TBC1D8: variants seen among roughly 807,000 people sequenced by gnomAD.
The protein encoded by TBC1D8 is BUB2-like protein 1.
In TBC1D8, 65 loss-of-function variants were observed where a neutral mutation model predicts 118.8. That is an observed-to-expected ratio of 0.55 (90% CI 0.45 to 0.67). The LOEUF (loss-of-function observed/expected upper bound fraction) is 0.67, where lower values mean the gene tolerates loss of function less well. TBC1D8 is among the 30% of genes least tolerant of loss of function. The pLI, the probability that TBC1D8 is intolerant of heterozygous loss-of-function variation, is 0.00. For missense variants in TBC1D8, 1,376 were observed against 1,471.2 expected, an observed-to-expected ratio of 0.94 and a Z score of 1.06; for synonymous variants, 566 against 595.8, an observed-to-expected ratio of 0.95 and a Z score of 0.73.
intron 15 of TBC1D8, chr2:101,024,086 A>T (rs1383241570): frequency 6.6e-6 from 1 of 152,264 alleles, no homozygotes; most frequent in Non-Finnish European, 1.5e-5. Flanking sequence ...TCACATCAAC[A>T]TCCCATAAAA....
chr2:101,013,261 T>C (rs1679365944), intron 17 of TBC1D8, among the ~76,000 whole-genome samples: 1 of 152,194 alleles, frequency 6.6e-6, no homozygotes. Flanking sequence ...CTGAAAATAC[T>C]CATTCCACGA....
intron 19 of TBC1D8, among the ~76,000 whole-genome samples, chr2:101,010,155 TTG>T (rs1679097187): frequency 6.6e-6 from 1 of 152,118 alleles, no homozygotes; most frequent in Non-Finnish European, 1.5e-5. Context: ...TTCCTAAACA[TTG>T]GGAGGAACCA....
chr2:101,050,730 T>C, intron 4 of TBC1D8, 89 bp from the exon 5 acceptor site: 1 of 1,509,302 alleles, frequency 6.6e-7, no homozygotes, highest in African/African-American at 1.4e-5. Flanking sequence ...AAAGCTCTCC[T>C]TAGGCCGATG....
intron 6 of TBC1D8, 93 bp from the exon 7 acceptor site, chr2:101,038,748 G>T: frequency 1.5e-6 from 2 of 1,363,004 alleles, no homozygotes; most frequent in Non-Finnish European, 1.0e-6. Context: ...AGAGGGCAAG[G>T]CACAATCACT....
chr2:101,027,649 T>G (rs1680415074), intron 14 of TBC1D8, among the ~76,000 whole-genome samples, 198 bp from the exon 15 acceptor site: 1 of 152,164 alleles, frequency 6.6e-6, no homozygotes, highest in African/African-American at 2.4e-5. Flanking sequence ...TCTTTCCAGT[T>G]CACACATCAG....
intron 17 of TBC1D8, among the ~76,000 whole-genome samples, chr2:101,017,475 A>G (rs1341203856): frequency 2.6e-5 from 4 of 152,242 alleles, no homozygotes; most frequent in African/African-American, 9.6e-5. Flanking sequence ...TATGGTGTTT[A>G]CAATGGCTAA....
intron 1 of TBC1D8, among the ~76,000 whole-genome samples, chr2:101,099,037 A>T (rs1676654852): frequency 6.7e-6 from 1 of 149,240 alleles, no homozygotes; most frequent in Non-Finnish European, 1.5e-5. Context: ...GGAGATAGAG[A>T]CACGAAAAAC....
intron 1 of TBC1D8, among the ~76,000 whole-genome samples, chr2:101,148,815 T>G (rs1386769970): frequency 1.3e-5 from 2 of 152,170 alleles, no homozygotes; most frequent in African/African-American, 4.8e-5. Context: ...ACTGTAGCCC[T>G]CATTCTTTTC....
intron 2 of TBC1D8, among the ~76,000 whole-genome samples, chr2:101,084,768 G>A (rs566722454): frequency 5.5e-4 from 84 of 152,132 alleles, no homozygotes; most frequent in African/African-American, 1.9e-3. Flanking sequence ...TCTGGTACGT[G>A]GCAGGCAACA....
chr2:101,151,296 C>T lies in TBC1D8; in HGVS notation c.-43G>A, dbSNP rs771457824. 96 of 1,111,316 alleles carry T rather than the reference C, an allele frequency of 8.6e-5. No homozygotes were observed. The African/African-American group carries it at 1.6e-3, about 18-fold the overall frequency. The allele number at this position is 1,111,316 out of a possible 1,614,324, so 68.8% of individuals were successfully genotyped here. On this transcript the variant is annotated 5_prime_UTR_variant, in exon 1 of 20. Transcript: ENST00000409318. ...GCCCGCCGGCCCCAGCTCACATCTCCCCGGCCGCCGGTCGCTGTGAGCCGA... is the reference window on the plus strand; with the variant it reads ...GCCCGCCGGCCCCAGCTCACATCTCTCCGGCCGCCGGTCGCTGTGAGCCGA...
chr2:101,141,485 G>A (rs924820218), intron 1 of TBC1D8, among the ~76,000 whole-genome samples: 3 of 152,140 alleles, frequency 2.0e-5, no homozygotes, highest in Admixed American at 6.5e-5. Flanking sequence ...TAGACTGAAC[G>A]CTGGGTTGGG....
chr2:101,104,546 G>A lies in TBC1D8; in HGVS notation c.128-14182C>T, dbSNP rs75882844. On this transcript the variant is annotated intron_variant, in intron 1 of 19. Transcript: ENST00000409318. Reference sequence around the variant, plus strand: ...AGTCAATACTTAGTAAATACTTATCGTTGACTAAAAAGCAAAGGTAGTTCA... The same window carrying A: ...AGTCAATACTTAGTAAATACTTATCATTGACTAAAAAGCAAAGGTAGTTCA... 6.3e-3 allele frequency among the ~76,000 whole-genome samples: 959 copies of A among 152,288 alleles called. 11 individuals are homozygous for A. The highest frequency in any genetic ancestry group is 0.021 in the African/African-American group (886 of 41,556).
Position 101,011,839 on chromosome 2 carries a change from G to A in TBC1D8, c.2828-299C>T, listed in dbSNP as rs1430944460. ...TACTGATTTGGAAAAAATGTATGTA[G>A]TGAAATCCCATTTTGTAAAACTGAA... On this transcript the variant is annotated intron_variant, in intron 17 of 19. Coordinates refer to ENST00000409318, the MANE Select transcript of TBC1D8 (RefSeq NM_001330348.2). Among the ~76,000 whole-genome samples the A allele has an allele frequency of 2.6e-5, 4 of 152,302 alleles. No individual in the cohort carries two copies. In the East Asian group the frequency reaches 7.7e-4, roughly 29 times the overall value.
intron 1 of TBC1D8, among the ~76,000 whole-genome samples, chr2:101,115,360 T>C (rs549239065): frequency 1.5e-3 from 236 of 152,360 alleles, no homozygotes; most frequent in African/African-American, 5.4e-3. Flanking sequence ...CTCAGACTCA[T>C]GGACGTCTCT....
chr2:101,101,817 T>C (rs1676856157), intron 1 of TBC1D8, among the ~76,000 whole-genome samples: 1 of 152,116 alleles, frequency 6.6e-6, no homozygotes, highest in African/African-American at 2.4e-5. Flanking sequence ...ACACCTCCTG[T>C]TCTCACTCAT....
intron 17 of TBC1D8, 64 bp from the exon 18 acceptor site, chr2:101,011,604 G>T: frequency 6.4e-7 from 1 of 1,562,214 alleles, no homozygotes. Context: ...TGACAGTAAT[G>T]TAGCTTTCTA....
intron 1 of TBC1D8, among the ~76,000 whole-genome samples, chr2:101,097,093 C>G (rs76700339): frequency 0.01 from 1,564 of 152,028 alleles, 30 homozygotes; most frequent in African/African-American, 0.036. Flanking sequence ...GGGGAAAAAA[C>G]AGCTTGAGGA....
At chr2:101,119,331 C>A (rs1677997925) in intron 1 of TBC1D8, among the ~76,000 whole-genome samples, 1 of 150,560 alleles carries the variant, frequency 6.6e-6, no homozygotes, top group African/African-American at 2.5e-5. Context: ...ATACAAACCA[C>A]CCTACTTACG....
intron 1 of TBC1D8, among the ~76,000 whole-genome samples, chr2:101,149,856 C>CTGCCCAAGT (rs1462230424): frequency 1.3e-5 from 2 of 152,206 alleles, no homozygotes; most frequent in Non-Finnish European, 2.9e-5. Context: ...GGCCCACGTG[C>CTGCCCAAGT]TGCCCAAGTT....
Sources: gnomAD v4.1 joint callset for allele counts (sites outside exome capture counted in the v4.1 genomes callset) on GRCh38, gnomAD v4.1.1 for gene constraint, MANE v1.5 for transcripts, NCBI Gene and HGNC (gene_info 2026-07-23, HGNC 2026-07-21) for gene names.